GRM3: variants seen among roughly 807,000 people sequenced by gnomAD.
GRM3 encodes metabotropic glutamate receptor 3.
GRM3 carries 26 observed loss-of-function variants against 70.5 expected under a neutral mutation model. That is an observed-to-expected ratio of 0.37 (90% CI 0.27 to 0.51). The LOEUF (loss-of-function observed/expected upper bound fraction) is 0.51. Ranked by LOEUF, GRM3 falls within the 20% of genes least tolerant of loss-of-function variation. GRM3 has a pLI of 0.93. For missense variants in GRM3, 859 were observed against 1,123.8 expected (o/e 0.76, Z 3.37); for synonymous variants, 443 against 434.9 (o/e 1.02, Z -0.23).
Position 86,765,100 on chromosome 7 carries a change from A to G in GRM3, c.-46A>G, listed in dbSNP as rs755592706. ...AAATGAGAGAGGACTAGCATGACAC[A>G]TTGGCTCCACCATTGATATCTCCCA... On this transcript the variant is annotated 5_prime_UTR_variant, in exon 2 of 6. Transcript: ENST00000361669. 3 of 1,523,616 alleles carry G rather than the reference A, an allele frequency of 2.0e-6. No individual in the cohort carries two copies. The highest frequency in any genetic ancestry group is 2.6e-6 in the Non-Finnish European group (3 of 1,142,690). The allele number at this position is 1,523,616 out of a possible 1,614,324, so 94.4% of individuals were successfully genotyped here. A position where few individuals can be genotyped will look rare whatever the true frequency, so the allele number is the denominator to read the frequency against.
intron 3 of GRM3, among the ~76,000 whole-genome samples, chr7:86,791,631 C>T (rs537166345): frequency 2.2e-4 from 34 of 152,188 alleles, no homozygotes; most frequent in Non-Finnish European, 3.5e-4. Context: ...TGCACGAGGA[C>T]TCTGGGAAAT....
intron 1 of GRM3, among the ~76,000 whole-genome samples, chr7:86,703,244 A>C (rs1290136718): frequency 6.6e-6 from 1 of 151,958 alleles, no homozygotes. Context: ...AGACAGGCAA[A>C]GTTTTTATTG....
At chr7:86,804,774 G>C (rs936884589) in intron 3 of GRM3, among the ~76,000 whole-genome samples, 1 of 152,156 alleles carries the variant, frequency 6.6e-6, no homozygotes, top group Admixed American at 6.6e-5. Flanking sequence ...GGGAAAAATA[G>C]AGCGGATTTC....
intron 3 of GRM3, among the ~76,000 whole-genome samples, chr7:86,794,759 T>C (rs916887079): frequency 3.9e-5 from 6 of 152,128 alleles, no homozygotes; most frequent in African/African-American, 9.7e-5. Flanking sequence ...CTCCAAACTA[T>C]GATAATCAAA....
In GRM3 at chr7:86,644,628, G is replaced by C; in HGVS notation, c.-385G>C. 1 of 458,990 alleles carries C rather than the reference G, an allele frequency of 2.2e-6. No homozygotes were observed. 28.4% of individuals were successfully genotyped at this position (458,990 alleles called of 1,614,324 possible). A position where few individuals can be genotyped will look rare whatever the true frequency, so the allele number is the denominator to read the frequency against. On this transcript the variant is annotated 5_prime_UTR_variant, in exon 1 of 6. Transcript: ENST00000361669. ...CCTGGATGTTCTGCCACCGGGCAGT[G>C]GTCCAGCGTGCAGCCGGGAGGGGGC...
chr7:86,735,809 G>T (rs1405527631), intron 1 of GRM3, among the ~76,000 whole-genome samples: 2 of 152,046 alleles, frequency 1.3e-5, no homozygotes, highest in Non-Finnish European at 2.9e-5. Flanking sequence ...TTCAATATTC[G>T]CATTATTACT....
chr7:86,811,084 A>G (rs79437008), intron 3 of GRM3, among the ~76,000 whole-genome samples: 2,509 of 152,018 alleles, frequency 0.017, 37 homozygotes, highest in Non-Finnish European at 0.025. Flanking sequence ...GGATTTCTCC[A>G]TAAGAGAAAC....
chr7:86,674,965 G>A (rs1012607048), intron 1 of GRM3, among the ~76,000 whole-genome samples: 4 of 151,998 alleles, frequency 2.6e-5, no homozygotes, highest in African/African-American at 9.7e-5. Context: ...CCTAGGCCAA[G>A]GACTCATCTC....
intron 1 of GRM3, among the ~76,000 whole-genome samples, chr7:86,650,813 G>A (rs556474497): frequency 1.5e-3 from 233 of 152,294 alleles, no homozygotes; most frequent in African/African-American, 5.1e-3. Context: ...AGGCTAAAAT[G>A]CTGATGTTTC....
chr7:86,645,089 G>T (rs529339830), intron 1 of GRM3: 107 of 346,308 alleles, frequency 3.1e-4, no homozygotes, highest in African/African-American at 2.2e-3. Context: ...GTGTCTGGGA[G>T]GAGGGAGATT....
chr7:86,795,315 TTTA>T (rs1797524185), intron 3 of GRM3, among the ~76,000 whole-genome samples: 1 of 146,972 alleles, frequency 6.8e-6, no homozygotes, highest in African/African-American at 2.6e-5. Context: ...TTTATTTTAT[TTTA>T]TGTTCCAGGA....
intron 1 of GRM3, among the ~76,000 whole-genome samples, chr7:86,708,855 A>C (rs1309069775): frequency 2.0e-5 from 3 of 152,078 alleles, no homozygotes; most frequent in Non-Finnish European, 4.4e-5. Context: ...ACTAGGTTTT[A>C]TTTAAGATTC....
At chr7:86,769,163 C>A (rs942337121) in intron 2 of GRM3, among the ~76,000 whole-genome samples, 15 of 152,064 alleles carry the variant, frequency 9.9e-5, no homozygotes, top group African/African-American at 3.6e-4. Flanking sequence ...GGTCATACAC[C>A]TGGTGTGTGG....
chr7:86,763,726 T>C (rs1196888841), intron 1 of GRM3, among the ~76,000 whole-genome samples: 1 of 152,114 alleles, frequency 6.6e-6, no homozygotes, highest in Non-Finnish European at 1.5e-5. Context: ...AGGAGTTGCC[T>C]CACTCTGGAT....
At chr7:86,694,826 A>G (rs1031520437) in intron 1 of GRM3, among the ~76,000 whole-genome samples, 13 of 152,190 alleles carry the variant, frequency 8.5e-5, no homozygotes, top group Admixed American at 5.9e-4. Flanking sequence ...AAGCAACACA[A>G]TGACTGGTGC....
chr7:86,800,140 C>A (rs536615907), intron 3 of GRM3, among the ~76,000 whole-genome samples: 3 of 152,218 alleles, frequency 2.0e-5, no homozygotes, highest in Admixed American at 2.0e-4. Flanking sequence ...GTAGCTACAG[C>A]AGTTTTAAGA....
intron 1 of GRM3, among the ~76,000 whole-genome samples, chr7:86,726,192 C>G (rs1032113604): frequency 3.9e-5 from 6 of 152,172 alleles, no homozygotes; most frequent in Non-Finnish European, 4.4e-5. Context: ...AAGAACACCT[C>G]TAGCAGTTCT....
chr7:86,734,466 T>C (rs552636436), intron 1 of GRM3, among the ~76,000 whole-genome samples: 71 of 152,346 alleles, frequency 4.7e-4, no homozygotes, highest in African/African-American at 1.6e-3. Context: ...ATCTCTTCCC[T>C]ATTTCTGCAC....
At chr7:86,672,800 A>G (rs1237144886) in intron 1 of GRM3, among the ~76,000 whole-genome samples, 1 of 152,128 alleles carries the variant, frequency 6.6e-6, no homozygotes, top group Non-Finnish European at 1.5e-5. Flanking sequence ...CAAGCTTTCC[A>G]TGTAGTTTTC....
Sources: allele counts gnomAD v4.1 joint callset (sites outside exome capture counted in the v4.1 genomes callset), GRCh38; gene constraint gnomAD v4.1.1; transcripts MANE v1.5; gene names NCBI Gene and HGNC (gene_info 2026-07-23, HGNC 2026-07-21).